The following DLG2 variants were observed in gnomAD, a reference collection of about 807,000 sequenced individuals.
DLG2 encodes discs large MAGUK scaffold protein 2.
DLG2 carries 45 observed loss-of-function variants against 132.5 expected under a neutral mutation model. The observed-to-expected ratio is 0.34, with a 90% CI of 0.27 to 0.44. The LOEUF (loss-of-function observed/expected upper bound fraction) is 0.44, where lower values mean the gene tolerates loss of function less well. Among genes scored for constraint, DLG2 ranks in the 20% least tolerant of loss-of-function variants. The pLI is 1.00. For synonymous variants in DLG2, 424 were observed against 419.6 expected, an observed-to-expected ratio of 1.01 and a Z score of -0.13; for missense variants, 1,045 against 1,196.9, an observed-to-expected ratio of 0.87 and a Z score of 1.87.
chr11:83,740,231 T>A (rs910303112), intron 18 of DLG2, among the ~76,000 whole-genome samples: 2 of 152,154 alleles, frequency 1.3e-5, no homozygotes, highest in Admixed American at 1.3e-4. Context: ...TTGTTAATAA[T>A]AGTTAAGTAC....
At chr11:84,514,669 G>C (rs1337796522) in intron 7 of DLG2, among the ~76,000 whole-genome samples, 2 of 151,888 alleles carry the variant, frequency 1.3e-5, no homozygotes, top group Non-Finnish European at 2.9e-5. Context: ...AGTTGGGGCA[G>C]GGGTGGGGGT....
intron 20 of DLG2, 91 bp from the exon 21 acceptor site, chr11:83,532,874 C>T: frequency 9.7e-7 from 1 of 1,031,090 alleles, no homozygotes; most frequent in Non-Finnish European, 1.5e-6. Context: ...TTCCTCCTAT[C>T]CTTGAAGCTC....
At chr11:85,011,208 T>C (rs624493) in intron 6 of DLG2, among the ~76,000 whole-genome samples, 23,351 of 152,128 alleles carry the variant, frequency 0.15, 1,980 homozygotes, top group East Asian at 0.3. Context: ...GGAAACAAAA[T>C]GCTTTGCTAG....
chr11:84,674,805 G>A (rs771212700), intron 6 of DLG2, among the ~76,000 whole-genome samples: 6 of 152,030 alleles, frequency 3.9e-5, no homozygotes, highest in Non-Finnish European at 7.4e-5. Context: ...GTGTTCACAC[G>A]CATATATGTC....
At chr11:84,865,346 TGA>T (rs1454987361) in intron 6 of DLG2, among the ~76,000 whole-genome samples, 3 of 152,188 alleles carry the variant, frequency 2.0e-5, no homozygotes, top group Non-Finnish European at 2.9e-5. Flanking sequence ...GGTTATGCAT[TGA>T]GAGTGAGGAA....
At chr11:84,854,368 A>G (rs976672102) in intron 6 of DLG2, among the ~76,000 whole-genome samples, 1 of 151,868 alleles carries the variant, frequency 6.6e-6, no homozygotes, top group African/African-American at 2.4e-5. Context: ...CTGGAATGGT[A>G]TTAGTATTTG....
At chr11:84,098,521 T>A (rs752546122) in intron 10 of DLG2, among the ~76,000 whole-genome samples, 31 of 152,206 alleles carry the variant, frequency 2.0e-4, no homozygotes, top group African/African-American at 5.3e-4. Context: ...CTATAAATGG[T>A]TGCCGAATAT....
chr11:84,730,870 T>G (rs142792419), intron 6 of DLG2, among the ~76,000 whole-genome samples: 44 of 152,158 alleles, frequency 2.9e-4, no homozygotes, highest in African/African-American at 9.4e-4. Flanking sequence ...CCTAAAACTG[T>G]GAAGACATCA....
intron 6 of DLG2, among the ~76,000 whole-genome samples, chr11:84,733,645 A>G (rs1230914626): frequency 2.0e-5 from 3 of 151,914 alleles, no homozygotes; most frequent in Admixed American, 6.6e-5. Flanking sequence ...AGTTTAATTA[A>G]ATCCCATTTG....
At chr11:84,317,014 G>A (rs1567272429) in intron 7 of DLG2, 8 of 1,612,658 alleles carry the variant, frequency 5.0e-6, no homozygotes, top group South Asian at 1.1e-5. Context: ...AACTGTACCC[G>A]AGCCCCTGAC....
At chr11:84,695,053 T>C (rs1193560331) in intron 6 of DLG2, among the ~76,000 whole-genome samples, 2 of 151,490 alleles carry the variant, frequency 1.3e-5, no homozygotes, top group South Asian at 2.1e-4. Flanking sequence ...GGTCAAAGCT[T>C]CTATAAGATT....
At chr11:85,195,220 C>A (rs1259943908) in intron 4 of DLG2, among the ~76,000 whole-genome samples, 1 of 152,048 alleles carries the variant, frequency 6.6e-6, no homozygotes. Context: ...ATCTAGTTAG[C>A]GGAGGCAAAG....
intron 21 of DLG2, among the ~76,000 whole-genome samples, chr11:83,506,221 A>G (rs1410704051): frequency 2.0e-5 from 3 of 152,144 alleles, no homozygotes; most frequent in Admixed American, 6.5e-5. Context: ...CTTTTAATCC[A>G]TATTTCAGCT....
chr11:84,218,790 C>A (rs1432449085), intron 8 of DLG2, among the ~76,000 whole-genome samples: 1 of 152,126 alleles, frequency 6.6e-6, no homozygotes, highest in Non-Finnish European at 1.5e-5. Context: ...GAGGAGTTGG[C>A]ATTACTGACA....
chr11:85,447,188 C>A (rs945785856), intron 3 of DLG2, among the ~76,000 whole-genome samples: 1 of 152,104 alleles, frequency 6.6e-6, no homozygotes, highest in Non-Finnish European at 1.5e-5. Context: ...GATAATCTAG[C>A]TTTCACTTCT....
In DLG2 at chr11:85,235,773, A is replaced by T. The variant is rs1013638233; in HGVS notation, c.186+49447T>A. Among the ~76,000 whole-genome samples the T allele has an allele frequency of 9.2e-5, 14 of 151,904 alleles. 1 individual carries two copies. The highest frequency in any genetic ancestry group is 3.4e-4 in the African/African-American group (14 of 41,406). ...GAATAGTAGGAAATACAGATGAAAAAGTGGTGAGGATCTAGATTTTTGAAG... is the reference window on the plus strand; with the variant it reads ...GAATAGTAGGAAATACAGATGAAAATGTGGTGAGGATCTAGATTTTTGAAG... On this transcript the variant is annotated intron_variant, in intron 4 of 27. Coordinates refer to ENST00000376104, the MANE Select transcript of DLG2 (RefSeq NM_001142699.3).
intron 6 of DLG2, among the ~76,000 whole-genome samples, chr11:84,826,123 G>A (rs1037357267): frequency 5.3e-5 from 8 of 151,720 alleles, no homozygotes; most frequent in Non-Finnish European, 1.2e-4. Flanking sequence ...TTTGACACAG[G>A]CATGCAACAT....
At chr11:84,800,277 G>T (rs937679541) in intron 6 of DLG2, among the ~76,000 whole-genome samples, 1 of 152,032 alleles carries the variant, frequency 6.6e-6, no homozygotes, top group Non-Finnish European at 1.5e-5. Context: ...TAAATTTATA[G>T]GTGTTTGTAT....
intron 14 of DLG2, among the ~76,000 whole-genome samples, chr11:83,945,991 C>CTTT (rs1163812479): frequency 1.7e-5 from 2 of 116,476 alleles, no homozygotes; most frequent in African/African-American, 8.0e-5. Context: ...TTCTCTCTCT[C>CTTT]TCTTTTTTTT....
Sources: allele counts gnomAD v4.1 joint callset (sites outside exome capture counted in the v4.1 genomes callset), GRCh38; gene constraint gnomAD v4.1.1; transcripts MANE v1.5; gene names NCBI Gene and HGNC (gene_info 2026-07-23, HGNC 2026-07-21).